The following RPTOR variants were observed in gnomAD, a reference collection of about 807,000 sequenced individuals.
RPTOR encodes the protein regulatory-associated protein of mTOR.
RPTOR carries 21 observed loss-of-function variants against 169.9 expected under a neutral mutation model. That is an observed-to-expected ratio of 0.12 (90% CI 0.09 to 0.18). The LOEUF (loss-of-function observed/expected upper bound fraction) is 0.18, where lower values mean the gene tolerates loss of function less well. RPTOR is among the 10% of genes least tolerant of loss of function. The pLI is 1.00. For missense variants in RPTOR, 1,133 were observed against 1,855.9 expected (o/e 0.61, Z 7.16); for synonymous variants, 732 against 753.2 (o/e 0.97, Z 0.46).
At chr17:80,809,152 G>A (rs777491438) in intron 7 of RPTOR, among the ~76,000 whole-genome samples, 20 of 152,220 alleles carry the variant, frequency 1.3e-4, no homozygotes, top group African/African-American at 2.7e-4. Flanking sequence ...CAGTTGTGGC[G>A]CATCCATGTC....
chr17:80,925,348 C>A, intron 23 of RPTOR, 22 bp from the exon 24 acceptor site: 1 of 1,603,784 alleles, frequency 6.2e-7, no homozygotes, highest in Non-Finnish European at 8.5e-7. Context: ...TTCCTTCCAA[C>A]CCTCCTGCTT....
intron 3 of RPTOR, among the ~76,000 whole-genome samples, chr17:80,663,771 C>A (rs939832603): frequency 3.0e-4 from 45 of 152,182 alleles, no homozygotes; most frequent in Non-Finnish European, 1.6e-4. Flanking sequence ...TCTTCCTGAG[C>A]TCACCCTGTC....
At position 80,720,808 on chromosome 17, in the gene RPTOR, C is replaced by T. The variant is rs539232232; in HGVS notation, c.508-9752C>T. On this transcript the variant is annotated intron_variant, in intron 4 of 33. Coordinates refer to ENST00000306801, the MANE Select transcript of RPTOR (RefSeq NM_020761.3). ...TTCTGTGGCCGTGGGTGGGGCCTGA[C>T]GATTTGGCTTTCTTGGGTGTCCCAC... Among the ~76,000 whole-genome samples, 16 of 145,284 alleles carry T rather than the reference C, an allele frequency of 1.1e-4. 1 individual carries two copies. Among genetic ancestry groups the T allele is most frequent in the South Asian group, 2.1e-4 (1 of 4,826 alleles).
At chr17:80,719,173 G>T (rs547577201) in intron 4 of RPTOR, among the ~76,000 whole-genome samples, 1 of 152,106 alleles carries the variant, frequency 6.6e-6, no homozygotes, top group Non-Finnish European at 1.5e-5. Context: ...TTCTAGAGCC[G>T]AAGAAGGCCA....
intron 27 of RPTOR, among the ~76,000 whole-genome samples, chr17:80,948,008 C>G (rs1331488039): frequency 6.6e-6 from 1 of 152,220 alleles, no homozygotes; most frequent in East Asian, 1.9e-4. Context: ...CAGTCATTTT[C>G]CTTTAGCGCT....
rs79939826 is a variant in RPTOR, at chr17:80,563,144, C to T, written c.162+17353C>T. 5.6e-4 allele frequency among the ~76,000 whole-genome samples: 86 copies of T among 152,250 alleles called. No individual in the cohort carries two copies. The East Asian group carries it at 0.011, about 19-fold the overall frequency. On this transcript the variant is annotated intron_variant, in intron 1 of 33. Transcript: ENST00000306801. ...AGAACCACTGTGCAGCCTTTTACTT[C>T]GTACACACAGCTCTTTTCACCAAGA...
chr17:80,708,065 C>A lies in RPTOR; in HGVS notation c.507+66C>A, dbSNP rs2066155000. The stretch of plus-strand genomic sequence containing the variant: ...GCCATGCCAATTGCGGTGGTCGGAG[C>A]AGGTCCTGCCCATCCGTAGCTTCTG... On this transcript the variant is annotated intron_variant, in intron 4 of 33. Transcript: ENST00000306801. The surrounding 1 kb of genome is among the most constrained non-coding windows in gnomAD (Gnocchi z 4.2). 1 of 1,479,726 alleles carries A rather than the reference C, an allele frequency of 6.8e-7. No individual in the cohort carries two copies. Among genetic ancestry groups the A allele is most frequent in the Non-Finnish European group, 9.2e-7 (1 of 1,085,440 alleles). The allele number at this position is 1,479,726 out of a possible 1,614,324, so 91.7% of individuals were successfully genotyped here.
chr17:80,585,550 G>A (rs1334463294), intron 1 of RPTOR, among the ~76,000 whole-genome samples: 1 of 152,166 alleles, frequency 6.6e-6, no homozygotes, highest in African/African-American at 2.4e-5. Context: ...CAGGGCTGCT[G>A]CACCCGTTAG....
chr17:80,670,117 C>G (rs1567848959), intron 3 of RPTOR, among the ~76,000 whole-genome samples: 3 of 152,212 alleles, frequency 2.0e-5, no homozygotes, highest in South Asian at 2.1e-4. Context: ...AAGTGACTTG[C>G]TCAGTGAAAT....
intron 11 of RPTOR, among the ~76,000 whole-genome samples, chr17:80,854,806 T>C (rs1198562561): frequency 6.6e-6 from 1 of 152,160 alleles, no homozygotes. Flanking sequence ...GGTGGGAGGA[T>C]CACTTGAGTC....
intron 2 of RPTOR, among the ~76,000 whole-genome samples, chr17:80,634,277 A>G (rs1267977722): frequency 1.7e-5 from 2 of 118,368 alleles, no homozygotes; most frequent in African/African-American, 7.5e-5. Context: ...GTGTGTGCGT[A>G]CTGTGTGTGT....
Position 80,737,575 on chromosome 17 carries a change from G to T in RPTOR, c.654+6869G>T, listed in dbSNP as rs1392979257. 3.9e-5 allele frequency among the ~76,000 whole-genome samples: 6 copies of T among 152,088 alleles called. No individual in the cohort carries two copies. The East Asian group carries it at 1.2e-3, about 29-fold the overall frequency. The stretch of plus-strand genomic sequence containing the variant: ...GCACCACTCCAGGCTTGGGCATGGG[G>T]GCTGCCTTCCACTTCCCTTCTCTGC... On this transcript the variant is annotated intron_variant, in intron 5 of 33. Transcript: ENST00000306801.
At chr17:80,918,445 AGTCATAGCCACGAGCACCCTCGCCGG>A in intron 21 of RPTOR, among the ~76,000 whole-genome samples, 1 of 84,424 alleles carries the variant, frequency 1.2e-5, no homozygotes, top group African/African-American at 5.0e-5. Context: ...CCCTCGCCGG[AGTCATAGCCACGAGCACCCTCGCCGG>A]AGTCATAGCC....
intron 6 of RPTOR, among the ~76,000 whole-genome samples, chr17:80,784,365 G>C (rs1279446153): frequency 2.6e-5 from 4 of 152,098 alleles, no homozygotes. Flanking sequence ...GAAATGCTGA[G>C]AGTTGAAGAA....
intron 1 of RPTOR, among the ~76,000 whole-genome samples, chr17:80,592,691 A>G (rs951039053): frequency 6.6e-6 from 1 of 152,196 alleles, no homozygotes; most frequent in African/African-American, 2.4e-5. Context: ...AGAAACATTT[A>G]AGTATTCCCG....
chr17:80,890,646 C>CG (rs902617399), intron 17 of RPTOR, among the ~76,000 whole-genome samples: 5 of 152,188 alleles, frequency 3.3e-5, no homozygotes, highest in Non-Finnish European at 5.9e-5. Flanking sequence ...GGAAAGTAGA[C>CG]GGTGCCCGCA....
intron 21 of RPTOR, among the ~76,000 whole-genome samples, chr17:80,921,996 C>T (rs1440976870): frequency 1.3e-5 from 2 of 152,172 alleles, no homozygotes; most frequent in Non-Finnish European, 2.9e-5. Context: ...TTCCAGGCCC[C>T]GTCACAGTCC....
At position 80,836,678 on chromosome 17, in the gene RPTOR, G is replaced by A. The variant is rs1182975689; in HGVS notation, c.1137-1244G>A. 5.3e-5 allele frequency among the ~76,000 whole-genome samples: 8 copies of A among 152,178 alleles called. 1 individual carries two copies. In the East Asian group the frequency reaches 9.6e-4, roughly 18 times the overall value. On this transcript the variant is annotated intron_variant, in intron 9 of 33. Transcript: ENST00000306801. Reference sequence around the variant, plus strand: ...TTAGGGGGGCTGTGTTAGAGCCTCCGAGAAAGCTCACAGGGCAGCTGGCCT... The same window carrying A: ...TTAGGGGGGCTGTGTTAGAGCCTCCAAGAAAGCTCACAGGGCAGCTGGCCT...
At chr17:80,592,390 G>A (rs942412479) in intron 1 of RPTOR, among the ~76,000 whole-genome samples, 5 of 152,168 alleles carry the variant, frequency 3.3e-5, no homozygotes, top group Admixed American at 2.6e-4. Flanking sequence ...GGAGTGGAAG[G>A]GAGAAGAGTG....
Sources: allele counts gnomAD v4.1 joint callset (sites outside exome capture counted in the v4.1 genomes callset), GRCh38; gene constraint gnomAD v4.1.1; non-coding constraint Gnocchi (gnomAD v3.1); transcripts MANE v1.5; gene names NCBI Gene and HGNC (gene_info 2026-07-23, HGNC 2026-07-21).